PCDH7: variants seen among roughly 807,000 people sequenced by gnomAD.
The protein encoded by PCDH7 is protocadherin 7, also known as protocadherin-7.
Under a neutral mutation model 58.9 loss-of-function variants are expected in PCDH7, and 17 were observed. The ratio of observed to expected loss-of-function variants is 0.29; its 90% confidence interval spans 0.20 to 0.43. The LOEUF (loss-of-function observed/expected upper bound fraction) is 0.43. PCDH7 is among the 20% of genes least tolerant of loss of function. PCDH7 has a pLI of 1.00. For missense variants in PCDH7, 1,274 were observed against 1,441.0 expected (o/e 0.88, Z 1.88); for synonymous variants, 664 against 616.4 (o/e 1.08, Z -1.14).
chr4:30,997,880 A>C (rs566786773), intron 3 of PCDH7, among the ~76,000 whole-genome samples: 3 of 152,008 alleles, frequency 2.0e-5, no homozygotes, highest in Non-Finnish European at 2.9e-5. Flanking sequence ...AAAGTACCCA[A>C]TATATAAAGT....
intron 3 of PCDH7, among the ~76,000 whole-genome samples, chr4:30,983,136 A>G (rs1351022122): frequency 6.6e-6 from 1 of 152,164 alleles, no homozygotes; most frequent in Non-Finnish European, 1.5e-5. Context: ...GACTGCTTCC[A>G]CCTAAGACCA....
At chr4:31,041,174 A>G (rs1207307261) in intron 3 of PCDH7, among the ~76,000 whole-genome samples, 1 of 152,142 alleles carries the variant, frequency 6.6e-6, no homozygotes, top group East Asian at 1.9e-4. Flanking sequence ...AAATTCTACC[A>G]ATACGTCTTC....
At chr4:31,097,638 A>ATATAT (rs370034723) in intron 3 of PCDH7, among the ~76,000 whole-genome samples, 7 of 79,232 alleles carry the variant, frequency 8.8e-5, no homozygotes, top group Non-Finnish European at 1.7e-4. Context: ...ATATATATAT[A>ATATAT]AATCTTTTTT....
intron 3 of PCDH7, among the ~76,000 whole-genome samples, chr4:31,030,179 G>GTGTGTATA (rs1754780205): frequency 6.6e-6 from 1 of 151,996 alleles, no homozygotes; most frequent in Non-Finnish European, 1.5e-5. Context: ...ATGTGTGTAT[G>GTGTGTATA]GGAGTGGTGT....
chr4:30,945,832 C>T (rs1354233968), intron 2 of PCDH7, among the ~76,000 whole-genome samples: 1 of 152,230 alleles, frequency 6.6e-6, no homozygotes, highest in South Asian at 2.1e-4. Flanking sequence ...CCAATCCTGC[C>T]GCCACCCAAG....
intron 3 of PCDH7, among the ~76,000 whole-genome samples, chr4:31,094,392 A>G (rs1002370963): frequency 6.6e-6 from 1 of 152,184 alleles, no homozygotes; most frequent in African/African-American, 2.4e-5. Context: ...TGGCTATTAC[A>G]TAAGGACATC....
intron 3 of PCDH7, among the ~76,000 whole-genome samples, chr4:31,095,707 A>G (rs905626359): frequency 2.0e-5 from 3 of 152,196 alleles, no homozygotes; most frequent in African/African-American, 7.2e-5. Context: ...TGAGATTATC[A>G]GCAAGGGAAA....
intron 3 of PCDH7, among the ~76,000 whole-genome samples, chr4:30,954,469 C>T (rs1190404001): frequency 2.0e-5 from 3 of 152,014 alleles, no homozygotes; most frequent in African/African-American, 4.8e-5. Context: ...TATGCACCTC[C>T]CTCTGCTTTT....
intron 2 of PCDH7, among the ~76,000 whole-genome samples, chr4:30,926,702 A>T (rs1743920340): frequency 6.6e-6 from 1 of 152,184 alleles, no homozygotes; most frequent in South Asian, 2.1e-4. Context: ...GAGGGGAAGG[A>T]AGTCTTCTAT....
intron 1 of PCDH7, among the ~76,000 whole-genome samples, chr4:30,853,250 T>C: frequency 6.6e-6 from 1 of 152,120 alleles, no homozygotes; most frequent in East Asian, 1.9e-4. Context: ...CTTTACCTAG[T>C]GTTAATTTAT....
intron 1 of PCDH7, among the ~76,000 whole-genome samples, chr4:30,781,424 G>A (rs1017142230): frequency 6.6e-6 from 1 of 151,980 alleles, no homozygotes; most frequent in Admixed American, 6.6e-5. Flanking sequence ...ACAGGCATGA[G>A]CCACCGCACC....
intron 3 of PCDH7, among the ~76,000 whole-genome samples, chr4:31,003,407 A>G (rs1045731478): frequency 1.7e-4 from 26 of 151,488 alleles, no homozygotes; most frequent in African/African-American, 6.1e-4. Flanking sequence ...ACCAATTGCT[A>G]CTGCCCTGTA....
chr4:31,004,720 T>A (rs1197604902), intron 3 of PCDH7, among the ~76,000 whole-genome samples: 2 of 152,066 alleles, frequency 1.3e-5, no homozygotes, highest in Non-Finnish European at 2.9e-5. Context: ...CATCCAATAT[T>A]TATTGAACAT....
intron 3 of PCDH7, among the ~76,000 whole-genome samples, chr4:30,974,659 G>A (rs758130271): frequency 2.6e-5 from 4 of 152,128 alleles, no homozygotes; most frequent in African/African-American, 4.8e-5. Flanking sequence ...AATTAAGCAC[G>A]TAAGGTAATA....
chr4:31,112,416 TCTA>T lies in PCDH7; in HGVS notation c.*8-30053_*8-30051del, dbSNP rs574841632. On this transcript the variant is annotated intron_variant, in intron 3 of 3. Transcript: ENST00000509759. ...TGTAATGATTTACATTTTCATAAAA[TCTA>T]CTATTAGGACAGCAAATTTATAATA... is the stretch of plus-strand genomic sequence containing the variant. 9.8e-4 allele frequency among the ~76,000 whole-genome samples: 149 copies of T among 152,318 alleles called. 1 individual carries two copies. Among genetic ancestry groups the T allele is most frequent in the African/African-American group, 3.4e-3 (141 of 41,582 alleles).
At chr4:30,994,131 A>G (rs1399656526) in intron 3 of PCDH7, among the ~76,000 whole-genome samples, 1 of 152,240 alleles carries the variant, frequency 6.6e-6, no homozygotes, top group African/African-American at 2.4e-5. Context: ...CAGAAACATT[A>G]TTGATTCTTA....
intron 3 of PCDH7, among the ~76,000 whole-genome samples, chr4:31,088,777 T>C (rs558180347): frequency 6.6e-6 from 1 of 152,210 alleles, no homozygotes; most frequent in African/African-American, 2.4e-5. Flanking sequence ...TGCCGTTTTT[T>C]AATGTAATCA....
At chr4:30,951,375 A>C (rs1747350776) in intron 3 of PCDH7, among the ~76,000 whole-genome samples, 2 of 152,154 alleles carry the variant, frequency 1.3e-5, no homozygotes, top group Admixed American at 1.3e-4. Flanking sequence ...TTCATTTAGA[A>C]ATGTATGGCT....
intron 1 of PCDH7, among the ~76,000 whole-genome samples, chr4:30,758,111 T>G (rs1339570631): frequency 1.3e-5 from 2 of 152,062 alleles, no homozygotes; most frequent in Non-Finnish European, 2.9e-5. Flanking sequence ...CTGAGGACCG[T>G]GAGGGCTGCA....
Sources: allele counts gnomAD v4.1 joint callset (sites outside exome capture counted in the v4.1 genomes callset), GRCh38; gene constraint gnomAD v4.1.1; transcripts MANE v1.5; gene names NCBI Gene and HGNC (gene_info 2026-07-23, HGNC 2026-07-21).